Variants in DCTN4 observed in about 807,000 individuals in gnomAD.
DCTN4 encodes dynactin 4 (p62).
Under a neutral mutation model 62.7 loss-of-function variants are expected in DCTN4, and 23 were observed. The observed-to-expected ratio is 0.37, with a 90% CI of 0.26 to 0.52. The LOEUF (loss-of-function observed/expected upper bound fraction) is 0.52, where lower values mean the gene tolerates loss of function less well. DCTN4 is among the 20% of genes least tolerant of loss of function. DCTN4 has a pLI of 0.92. For synonymous variants in DCTN4, 199 were observed against 202.1 expected (o/e 0.98, Z 0.13); for missense variants, 514 against 580.4 (o/e 0.89, Z 1.18).
At position 150,754,560 on chromosome 5, in the gene DCTN4, A is replaced by C. The variant is rs923940128; in HGVS notation, c.207-903T>G. Among the ~76,000 whole-genome samples, 3 of 152,222 alleles carry C rather than the reference A, an allele frequency of 2.0e-5. No homozygotes were observed. In the South Asian group the frequency reaches 6.2e-4, roughly 32 times the overall value. On this transcript the variant is annotated intron_variant, in intron 2 of 12. Coordinates refer to ENST00000447998, the MANE Select transcript of DCTN4 (RefSeq NM_016221.4). The stretch of plus-strand genomic sequence containing the variant: ...TTTCACTTCAAGCTAAAAACTAAAC[A>C]CCATCCAGTAGCAATGAGCAAGCCT...
At chr5:150,755,851 A>C in intron 2 of DCTN4, among the ~76,000 whole-genome samples, 1 of 152,318 alleles carries the variant, frequency 6.6e-6, no homozygotes, top group South Asian at 2.1e-4. Flanking sequence ...TAATGTAAAA[A>C]GTTAACAATA....
chr5:150,736,262 C>T (rs999919980), intron 4 of DCTN4: 1 of 152,106 alleles, frequency 6.6e-6, no homozygotes, highest in Non-Finnish European at 1.5e-5. Context: ...TCAAAGAACA[C>T]CTGAGAAATT....
At chr5:150,716,816 G>T (rs528091985) in intron 11 of DCTN4, among the ~76,000 whole-genome samples, 5 of 152,076 alleles carry the variant, frequency 3.3e-5, no homozygotes, top group Non-Finnish European at 7.3e-5. Flanking sequence ...CTACTTGGGA[G>T]GCTGAGGTAG....
intron 2 of DCTN4, 48 bp downstream of exon 2, chr5:150,756,369 A>G (rs1752862888): frequency 7.4e-7 from 1 of 1,349,758 alleles, no homozygotes. Context: ...TATTTTAGAG[A>G]ACAGTCAAGG....
At chr5:150,747,112 T>G (rs199753234) in intron 3 of DCTN4, among the ~76,000 whole-genome samples, 11,416 of 152,066 alleles carry the variant, frequency 0.075, 557 homozygotes, top group East Asian at 0.24. Flanking sequence ...AAAATCAATG[T>G]ACAAAAATCA....
rs1042262542 is a variant in DCTN4, at chr5:150,708,820, G to C, written c.*2329C>G. On this transcript the variant is annotated 3_prime_UTR_variant, in exon 13 of 13. Coordinates refer to ENST00000447998, the MANE Select transcript of DCTN4 (RefSeq NM_016221.4). ...AAAACAGTAACCTGTCATTCATAAA[G>C]ATCAAGGAGTACCTCTCTGTCCCAA... 6.5e-6 allele frequency: 1 copy of C among 152,798 alleles called. No individual in the cohort carries two copies. The highest frequency in any genetic ancestry group is 2.4e-5 in the African/African-American group (1 of 41,466). 9.5% of individuals were successfully genotyped at this position (152,798 alleles called of 1,614,324 possible).
intron 6 of DCTN4, 125 bp from the exon 7 acceptor site, chr5:150,731,281 C>T (rs1010333440): frequency 1.2e-5 from 12 of 971,020 alleles, no homozygotes; most frequent in Non-Finnish European, 1.3e-5. Context: ...ATCTGTATAG[C>T]GTAGGTCTTT....
chr5:150,722,767 A>G, intron 9 of DCTN4, 140 bp downstream of exon 9: 1 of 608,760 alleles, frequency 1.6e-6, no homozygotes, highest in Non-Finnish European at 2.8e-6. Flanking sequence ...AAAAACCTAA[A>G]CAGGAACAGA....
intron 4 of DCTN4, among the ~76,000 whole-genome samples, chr5:150,741,151 T>G (rs1760753943): frequency 2.4e-5 from 3 of 126,066 alleles, no homozygotes; most frequent in African/African-American, 6.8e-5. Context: ...GGTGACAGAG[T>G]GAGATCCTGT....
rs919776602 is a variant in DCTN4 at position 150,718,127 on chromosome 5, G to A, written c.1071+149C>T. 1.4e-4 allele frequency: 77 copies of A among 570,346 alleles called. No homozygotes were observed. In the Middle Eastern group the frequency reaches 1.4e-3, roughly 10 times the overall value. 35.3% of individuals were successfully genotyped at this position (570,346 alleles called of 1,614,324 possible). On this transcript the variant is annotated intron_variant, in intron 11 of 12. Coordinates refer to ENST00000447998, the MANE Select transcript of DCTN4 (RefSeq NM_016221.4). Reference sequence around the variant, plus strand: ...CCTTCAAATAGGGCAGTGTGTTTCAGGATAAAGTAAAAAAATTTAGGAGGT... The same window carrying A: ...CCTTCAAATAGGGCAGTGTGTTTCAAGATAAAGTAAAAAAATTTAGGAGGT...
intron 1 of DCTN4, among the ~76,000 whole-genome samples, chr5:150,756,930 A>C (rs1266345281): frequency 1.3e-5 from 2 of 152,222 alleles, no homozygotes; most frequent in Non-Finnish European, 2.9e-5. Context: ...TATTGAAGTA[A>C]TACAGGTTGA....
chr5:150,741,164 C>CAAAAAAAAAAAAAAAAA (rs754641920), intron 4 of DCTN4, among the ~76,000 whole-genome samples: 1 of 58,344 alleles, frequency 1.7e-5, no homozygotes, highest in African/African-American at 5.4e-5. Context: ...GATCCTGTCT[C>CAAAAAAAAAAAAAAAAA]AAAAAAAAAA....
intron 8 of DCTN4, among the ~76,000 whole-genome samples, chr5:150,726,043 T>A (rs1205479255): frequency 2.0e-5 from 3 of 151,960 alleles, no homozygotes; most frequent in Non-Finnish European, 4.4e-5. Flanking sequence ...ACCTATATTT[T>A]AAGCAGAATT....
At chr5:150,712,988 T>G (rs1426637697) in intron 12 of DCTN4, among the ~76,000 whole-genome samples, 1 of 152,216 alleles carries the variant, frequency 6.6e-6, no homozygotes, top group Non-Finnish European at 1.5e-5. Flanking sequence ...AAATCTGATA[T>G]CTCAGACAAT....
chr5:150,728,090 C>T (rs1023873772), intron 8 of DCTN4, among the ~76,000 whole-genome samples: 1 of 152,024 alleles, frequency 6.6e-6, no homozygotes, highest in Admixed American at 6.6e-5. Flanking sequence ...TAATTCATAA[C>T]TTTTACCTAT....
At chr5:150,737,140 T>C (rs1760611229) in intron 4 of DCTN4, among the ~76,000 whole-genome samples, 1 of 151,984 alleles carries the variant, frequency 6.6e-6, no homozygotes, top group South Asian at 2.1e-4. Context: ...GCCTAAGAAA[T>C]GAGATACAAA....
chr5:150,713,943 C>T (rs1215224164), intron 12 of DCTN4, among the ~76,000 whole-genome samples: 1 of 151,638 alleles, frequency 6.6e-6, no homozygotes, highest in Non-Finnish European at 1.5e-5. Context: ...ATGGCAAAAC[C>T]CCATCTCTAC....
intron 1 of DCTN4, chr5:150,758,081 GGCTTATTAAACAGC>G: frequency 1.0e-6 from 1 of 985,054 alleles, no homozygotes; most frequent in Non-Finnish European, 1.2e-6. Context: ...CTAAGACTAT[GGCTTATTAAACAGC>G]GCATTTTATG....
intron 3 of DCTN4, among the ~76,000 whole-genome samples, chr5:150,744,940 A>C (rs1760906074): frequency 2.0e-5 from 3 of 151,524 alleles, no homozygotes; most frequent in African/African-American, 7.3e-5. Context: ...ACACACAACA[A>C]TATTAACTTT....
Sources: allele counts gnomAD v4.1 joint callset (sites outside exome capture counted in the v4.1 genomes callset), GRCh38; gene constraint gnomAD v4.1.1; transcripts MANE v1.5; gene names NCBI Gene and HGNC (gene_info 2026-07-23, HGNC 2026-07-21).